BCAS3: variants seen among roughly 807,000 people sequenced by gnomAD.
BCAS3 encodes the protein BCAS4/BCAS3 fusion.
In BCAS3, 53 loss-of-function variants were observed where a neutral mutation model predicts 116.1. The ratio of observed to expected loss-of-function variants is 0.46; its 90% CI spans 0.37 to 0.57. The LOEUF is 0.57. Ranked by LOEUF, BCAS3 falls within the 20% of genes least tolerant of loss-of-function variation. The probability of loss-of-function intolerance (pLI) is 0.00; values close to 1 mark genes in which losing one functional copy is unlikely to be tolerated. For missense variants in BCAS3, 917 were observed against 1,165.4 expected (o/e 0.79, Z 3.10); for synonymous variants, 391 against 408.2 (o/e 0.96, Z 0.51).
At chr17:61,308,539 C>A (rs943181074) in intron 22 of BCAS3, among the ~76,000 whole-genome samples, 1 of 151,952 alleles carries the variant, frequency 6.6e-6, no homozygotes, top group Non-Finnish European at 1.5e-5. Flanking sequence ...ACACAGACCC[C>A]AGCTCTTCTC....
chr17:60,754,306 A>G (rs1431250531), intron 6 of BCAS3, among the ~76,000 whole-genome samples: 1 of 152,104 alleles, frequency 6.6e-6, no homozygotes, highest in Non-Finnish European at 1.5e-5. Context: ...CCTGGGCCCA[A>G]GTGATCCCCC....
Position 60,964,696 on chromosome 17 carries a change from T to G in BCAS3, c.1221+17344T>G, listed in dbSNP as rs2061570229. ...ATTTTCTTGCTTTTTATGGAGGCTT[T>G]TTATTACAGCTTCAGTTTTGTTACT... On this transcript the variant is annotated intron_variant, in intron 14 of 23. Transcript: ENST00000407086. The surrounding 1 kb of genome is among the most constrained non-coding windows in gnomAD (Gnocchi z 4.6). 6.6e-6 allele frequency among the ~76,000 whole-genome samples: 1 copy of G among 152,170 alleles called. No individual in the cohort carries two copies. Among genetic ancestry groups the G allele is most frequent in the South Asian group, 2.1e-4 (1 of 4,828 alleles).
rs1182791966 is a variant in BCAS3, at chr17:61,118,204, G to A, written c.2425+33640G>A. ...ATGTTCTACCTCGTTTCTGCCAGGT[G>A]GAGGTAGAAGCCCAGGTTCCTTACC... On this transcript the variant is annotated intron_variant, in intron 22 of 23. Coordinates refer to ENST00000407086, the MANE Select transcript of BCAS3 (RefSeq NM_017679.5). The surrounding 1 kb of genome is among the most constrained non-coding windows in gnomAD (Gnocchi z 5.0). Among the ~76,000 whole-genome samples, 2 of 152,176 alleles carry A rather than the reference G, an allele frequency of 1.3e-5. No homozygotes were observed. Among genetic ancestry groups the A allele is most frequent in the African/African-American group, 2.4e-5 (1 of 41,432 alleles).
chr17:61,352,863 C>T lies in BCAS3; in HGVS notation c.2426-15464C>T, dbSNP rs896000743. On this transcript the variant is annotated intron_variant, in intron 22 of 23. Coordinates refer to ENST00000407086, the MANE Select transcript of BCAS3 (RefSeq NM_017679.5). This position sits in a 1 kb window ranked among gnomAD's most constrained non-coding sequence, Gnocchi z 4.7. Reference sequence around the variant, plus strand: ...GTGCAGAGAAGGCCTGGTGCCGCCACACTCCTGCTCGGCTCCTAGGCTGCT... The same window carrying T: ...GTGCAGAGAAGGCCTGGTGCCGCCATACTCCTGCTCGGCTCCTAGGCTGCT... 6.6e-6 allele frequency among the ~76,000 whole-genome samples: 1 copy of T among 152,258 alleles called. No individual in the cohort carries two copies. Among genetic ancestry groups the T allele is most frequent in the African/African-American group, 2.4e-5 (1 of 41,466 alleles).
chr17:60,778,721 T>C (rs2045527196), intron 6 of BCAS3, among the ~76,000 whole-genome samples: 6 of 152,228 alleles, frequency 3.9e-5, no homozygotes, highest in Admixed American at 3.9e-4. Context: ...ATGTATTTGA[T>C]ATCTGAGTGG....
intron 4 of BCAS3, among the ~76,000 whole-genome samples, chr17:60,704,645 AGCCTG>A (rs2036873574): frequency 6.6e-6 from 1 of 152,004 alleles, no homozygotes; most frequent in East Asian, 1.9e-4. Context: ...GTTCGAGACC[AGCCTG>A]GCCAACATGG....
rs778087431 is a variant in BCAS3 at position 61,363,764 on chromosome 17, C to T, written c.2426-4563C>T. Among the ~76,000 whole-genome samples the T allele has an allele frequency of 1.3e-5, 2 of 152,162 alleles. No individual in the cohort carries two copies. The highest frequency in any genetic ancestry group is 1.9e-4 in the East Asian group (1 of 5,194). On this transcript the variant is annotated intron_variant, in intron 22 of 23. Transcript: ENST00000407086. The surrounding 1 kb of genome is among the most constrained non-coding windows in gnomAD (Gnocchi z 4.9). ...TTGCAAACAGCCTGCGCTAAGTGAGCGTCTTCTCCCTGCTTGAAACTGACC... is the reference window on the plus strand; with the variant it reads ...TTGCAAACAGCCTGCGCTAAGTGAGTGTCTTCTCCCTGCTTGAAACTGACC...
intron 5 of BCAS3, among the ~76,000 whole-genome samples, chr17:60,712,578 C>G (rs1399968606): frequency 6.6e-6 from 1 of 152,050 alleles, no homozygotes; most frequent in Non-Finnish European, 1.5e-5. Flanking sequence ...AATTCAAAGC[C>G]CATGATCTAA....
Position 61,391,932 on chromosome 17 carries a change from C to T in BCAS3, c.2594-45C>T. 1.9e-6 allele frequency: 3 copies of T among 1,598,722 alleles called. No individual in the cohort carries two copies. Among genetic ancestry groups the T allele is most frequent in the Admixed American group, 1.7e-5 (1 of 59,344 alleles). On this transcript the variant is annotated intron_variant, in intron 23 of 23. Transcript: ENST00000407086. The surrounding 1 kb of genome is among the most constrained non-coding windows in gnomAD (Gnocchi z 7.7). ...TGGCCCAGATGGTGCCCCCACTCCC[C>T]AGACCCAACTCTAACCAGGCCTGGC...
At position 60,953,545 on chromosome 17, in the gene BCAS3, T is replaced by C. The variant is rs2060956842; in HGVS notation, c.1221+6193T>C. ...TGTTTACTATGTTGATTGTTTCTTT[T>C]GCTGTGCAGAAGCTCTTTAGTTTGA... On this transcript the variant is annotated intron_variant, in intron 14 of 23. Transcript: ENST00000407086. 2.0e-5 allele frequency among the ~76,000 whole-genome samples: 3 copies of C among 152,324 alleles called. No individual in the cohort carries two copies. In the South Asian group the frequency reaches 6.2e-4, roughly 32 times the overall value.
Position 61,249,845 on chromosome 17 carries a change from C to CA in BCAS3, c.2426-118474dup, listed in dbSNP as rs888661615. ...ATCTACCTGATAGACCCATGGAATA[C>CA]AAAAAAAATGTGATGACCCAATCAC... On this transcript the variant is annotated intron_variant, in intron 22 of 23. Coordinates refer to ENST00000407086, the MANE Select transcript of BCAS3 (RefSeq NM_017679.5). The surrounding 1 kb of genome is among the most constrained non-coding windows in gnomAD (Gnocchi z 6.2). Among the ~76,000 whole-genome samples the CA allele has an allele frequency of 2.0e-5, 3 of 151,812 alleles. No homozygotes were observed. Among genetic ancestry groups the CA allele is most frequent in the South Asian group, 2.1e-4 (1 of 4,796 alleles).
At chr17:61,015,366 C>T (rs2065383262) in intron 15 of BCAS3, among the ~76,000 whole-genome samples, 1 of 152,196 alleles carries the variant, frequency 6.6e-6, no homozygotes, top group Non-Finnish European at 1.5e-5. Flanking sequence ...TCATAGCTCA[C>T]TGTAACCTTG....
rs1227816437 is a variant in BCAS3, at chr17:61,161,681, G to C, written c.2425+77117G>C. 6.6e-6 allele frequency among the ~76,000 whole-genome samples: 1 copy of C among 152,176 alleles called. No homozygotes were observed. The highest frequency in any genetic ancestry group is 1.5e-5 in the Non-Finnish European group (1 of 68,040). On this transcript the variant is annotated intron_variant, in intron 22 of 23. Transcript: ENST00000407086. This position sits in a 1 kb window ranked among gnomAD's most constrained non-coding sequence, Gnocchi z 4.8. ...AAAGGTGATGTCAACGGAGGGTAGG[G>C]TGGTTGCTGGTGGAGGGGAGTAGCC...
At position 61,088,407 on chromosome 17, in the gene BCAS3, T is replaced by C. The variant is rs1445769923; in HGVS notation, c.2425+3843T>C. Among the ~76,000 whole-genome samples, 1 of 152,222 alleles carries C rather than the reference T, an allele frequency of 6.6e-6. No homozygotes were observed. Among genetic ancestry groups the C allele is most frequent in the Non-Finnish European group, 1.5e-5 (1 of 68,032 alleles). On this transcript the variant is annotated intron_variant, in intron 22 of 23. Transcript: ENST00000407086. The surrounding 1 kb of genome is among the most constrained non-coding windows in gnomAD (Gnocchi z 4.2). Reference sequence around the variant, plus strand: ...ATGAACAACAATGTCGATGAATCATTGATAGTATTTCTAGCCAAAGCACTG... The same window carrying C: ...ATGAACAACAATGTCGATGAATCATCGATAGTATTTCTAGCCAAAGCACTG...
At chr17:60,985,257 T>C (rs956452694) in intron 14 of BCAS3, among the ~76,000 whole-genome samples, 6 of 149,700 alleles carry the variant, frequency 4.0e-5, no homozygotes, top group African/African-American at 1.2e-4. Context: ...GTGATTCTCC[T>C]GCCTCAGCCT....
chr17:61,108,300 A>G (rs2074809200), intron 22 of BCAS3, among the ~76,000 whole-genome samples: 1 of 152,130 alleles, frequency 6.6e-6, no homozygotes, highest in South Asian at 2.1e-4. Context: ...GTGTGTCTGT[A>G]TCATTATATT....
At chr17:60,710,470 T>A (rs182336522) in intron 5 of BCAS3, among the ~76,000 whole-genome samples, 1 of 151,296 alleles carries the variant, frequency 6.6e-6, no homozygotes, top group African/African-American at 2.4e-5. Context: ...TTCACTCTGT[T>A]GCCCAGGCTG....
At chr17:61,230,674 T>C (rs1380058854) in intron 22 of BCAS3, among the ~76,000 whole-genome samples, 1 of 152,220 alleles carries the variant, frequency 6.6e-6, no homozygotes, top group Non-Finnish European at 1.5e-5. Flanking sequence ...GCACATTTGC[T>C]CTATCCAATC....
chr17:61,099,530 T>A (rs1477294739), intron 22 of BCAS3, among the ~76,000 whole-genome samples: 1 of 152,216 alleles, frequency 6.6e-6, no homozygotes, highest in Non-Finnish European at 1.5e-5. Flanking sequence ...TATGGGCCTA[T>A]GGTCAATTGT....
Sources: allele counts gnomAD v4.1 joint callset (sites outside exome capture counted in the v4.1 genomes callset), GRCh38; gene constraint gnomAD v4.1.1; non-coding constraint Gnocchi (gnomAD v3.1); transcripts MANE v1.5; gene names NCBI Gene and HGNC (gene_info 2026-07-23, HGNC 2026-07-21).